CACNA1C: variants seen among roughly 807,000 people sequenced by gnomAD.
The protein encoded by CACNA1C is calcium voltage-gated channel subunit alpha1 C.
In CACNA1C, 30 loss-of-function variants were observed where a neutral mutation model predicts 229.0. The ratio of observed to expected loss-of-function variants is 0.13; its 90% CI spans 0.10 to 0.18. The LOEUF is 0.18. Among genes scored for constraint, CACNA1C ranks in the 10% least tolerant of loss-of-function variants. CACNA1C has a pLI of 1.00. For synonymous variants in CACNA1C, 1,114 were observed against 1,132.5 expected, an observed-to-expected ratio of 0.98 and a Z score of 0.33; for missense variants, 1,658 against 2,845.0, an observed-to-expected ratio of 0.58 and a Z score of 9.49.
Position 2,493,256 on chromosome 12 carries a change from A to G in CACNA1C, c.983A>G (p.Asn328Ser). The G allele has an allele frequency of 6.2e-7, 1 of 1,614,040 alleles. No individual in the cohort carries two copies. Among genetic ancestry groups the G allele is most frequent in the Non-Finnish European group, 8.5e-7 (1 of 1,179,886 alleles). The change falls in exon 7 of 47, where the codon AAC (asparagine) becomes AGC (serine). Residue 328 changes from asparagine (N) to serine (S), a missense_variant. Physicochemically the swap from Asn to Ser is conservative, Grantham distance 46. Coordinates refer to ENST00000399655, the MANE Select transcript of CACNA1C (RefSeq NM_000719.7). This position sits in a 1 kb window ranked among gnomAD's most constrained non-coding sequence, Gnocchi z 4.6. The stretch of plus-strand genomic sequence containing the variant: ...ACGGGCCACGGGCGGCAGTGCCAGA[A>G]CGGCACGGTGTGCAAGCCCGGCTGG... The part of the protein sequence containing the change: ...LETGHGRQCQ[N>S]GTVCKPGWDG...
intron 3 of CACNA1C, among the ~76,000 whole-genome samples, chr12:2,172,579 G>C (rs919833484): frequency 1.3e-5 from 2 of 152,184 alleles, no homozygotes; most frequent in Non-Finnish European, 2.9e-5. Context: ...AAGAAAGGAG[G>C]ACCCACGGAG....
chr12:2,140,167 A>G (rs1318535486), intron 3 of CACNA1C, among the ~76,000 whole-genome samples: 1 of 151,168 alleles, frequency 6.6e-6, no homozygotes, highest in Admixed American at 6.6e-5. Flanking sequence ...AACCTGTCCC[A>G]TAACCAGAGA....
At chr12:2,273,034 G>A (rs986050494) in intron 3 of CACNA1C, among the ~76,000 whole-genome samples, 12 of 152,172 alleles carry the variant, frequency 7.9e-5, no homozygotes, top group Non-Finnish European at 5.9e-5. Context: ...ATTTGCCCAG[G>A]TGACTTTTTT....
intron 10 of CACNA1C, among the ~76,000 whole-genome samples, chr12:2,551,454 C>T (rs2099902718): frequency 6.6e-6 from 1 of 152,198 alleles, no homozygotes; most frequent in African/African-American, 2.4e-5. Context: ...CACATTCGTA[C>T]TCTGTGCATA....
intron 1 of CACNA1C, among the ~76,000 whole-genome samples, chr12:2,085,073 C>A (rs1565584184): frequency 6.6e-6 from 1 of 152,164 alleles, no homozygotes; most frequent in African/African-American, 2.4e-5. Flanking sequence ...AAAGACAGAG[C>A]CTTGGGTCAC....
At position 2,319,472 on chromosome 12, in the gene CACNA1C, A is replaced by AGCCCCAG. The variant is rs1285727840; in HGVS notation, c.478-129491_478-129485dup. ...GGAAGAGACCTCGCTCCCACGCCAC[A>AGCCCCAG]GCCCCAGGCCCCAGGCCCCTGACAC... On this transcript the variant is annotated intron_variant, in intron 3 of 46. Coordinates refer to ENST00000399655, the MANE Select transcript of CACNA1C (RefSeq NM_000719.7). The surrounding 1 kb of genome is among the most constrained non-coding windows in gnomAD (Gnocchi z 4.0). Among the ~76,000 whole-genome samples the AGCCCCAG allele has an allele frequency of 6.6e-6, 1 of 152,128 alleles. No homozygotes were observed. Among genetic ancestry groups the AGCCCCAG allele is most frequent in the Non-Finnish European group, 1.5e-5 (1 of 67,996 alleles).
intron 9 of CACNA1C, among the ~76,000 whole-genome samples, chr12:2,522,254 G>C (rs2099811459): frequency 6.6e-6 from 1 of 152,188 alleles, no homozygotes; most frequent in African/African-American, 2.4e-5. Flanking sequence ...GAAAGCTCTT[G>C]GGAGGCAGCA....
intron 9 of CACNA1C, among the ~76,000 whole-genome samples, chr12:2,524,889 C>G (rs1288270649): frequency 6.6e-6 from 1 of 152,316 alleles, no homozygotes; most frequent in South Asian, 2.1e-4. Context: ...TGGGTGGGCA[C>G]AGGACAGTGT....
At chr12:2,687,538 C>CT (rs35920419) in intron 45 of CACNA1C, among the ~76,000 whole-genome samples, 9,265 of 138,180 alleles carry the variant, frequency 0.067, 948 homozygotes, top group African/African-American at 0.22. Context: ...TACCGTGTGA[C>CT]TTTTTTTTTT....
intron 5 of CACNA1C, among the ~76,000 whole-genome samples, chr12:2,474,126 T>C (rs2154568324): frequency 6.6e-6 from 1 of 152,356 alleles, no homozygotes; most frequent in East Asian, 1.9e-4. Context: ...ACATCTCATT[T>C]ACCACCAAAA....
At chr12:2,017,929 C>A (rs749061739) in intron 1 of CACNA1C, among the ~76,000 whole-genome samples, 1 of 152,172 alleles carries the variant, frequency 6.6e-6, no homozygotes, top group Non-Finnish European at 1.5e-5. Flanking sequence ...GCCTTCTACA[C>A]GGACTCAACA....
At chr12:2,684,337 C>T (rs2097333891) in intron 43 of CACNA1C, among the ~76,000 whole-genome samples, 1 of 152,150 alleles carries the variant, frequency 6.6e-6, no homozygotes. Context: ...AGGCCTTCTA[C>T]TTTTCTGACT....
At position 2,053,629 on chromosome 12, in the gene CACNA1C, C is replaced by T; in HGVS notation, c.49+18C>T. The T allele has an allele frequency of 1.9e-6, 3 of 1,577,614 alleles. No homozygotes were observed. In the South Asian group the frequency reaches 3.5e-5, roughly 18 times the overall value. ...CCACCAAGGTAAGGCTGGACCCCGC[C>T]GCCTCGCCGGGGCTCCCTGCCTTTT... On this transcript the variant is annotated intron_variant, in intron 1 of 46. Coordinates refer to ENST00000399655, the MANE Select transcript of CACNA1C (RefSeq NM_000719.7). This position sits in a 1 kb window ranked among gnomAD's most constrained non-coding sequence, Gnocchi z 5.8.
chr12:2,092,774 G>C (rs1204926643), intron 1 of CACNA1C, among the ~76,000 whole-genome samples: 1 of 152,230 alleles, frequency 6.6e-6, no homozygotes, highest in Non-Finnish European at 1.5e-5. Flanking sequence ...CGATAAGAAA[G>C]CTGGGGATCA....
chr12:2,069,460 A>G (rs1272141776), intron 1 of CACNA1C, among the ~76,000 whole-genome samples: 1 of 152,200 alleles, frequency 6.6e-6, no homozygotes, highest in Non-Finnish European at 1.5e-5. Flanking sequence ...TGTCAGAGAG[A>G]AAATAAGAAG....
chr12:2,260,475 T>TAA (rs549203538), intron 3 of CACNA1C, among the ~76,000 whole-genome samples: 122 of 100,982 alleles, frequency 1.2e-3, no homozygotes, highest in South Asian at 3.6e-3. Context: ...CTGTCTCTAT[T>TAA]AAAAAAAAAA....
At chr12:2,142,205 C>T (rs901953111) in intron 3 of CACNA1C, among the ~76,000 whole-genome samples, 1 of 151,278 alleles carries the variant, frequency 6.6e-6, no homozygotes, top group African/African-American at 2.4e-5. Context: ...GTGGATCATA[C>T]AGTCAGGCAC....
intron 31 of CACNA1C, among the ~76,000 whole-genome samples, chr12:2,650,823 C>A (rs1483697241): frequency 6.6e-6 from 1 of 152,160 alleles, no homozygotes; most frequent in Non-Finnish European, 1.5e-5. Flanking sequence ...CTGAGGGAGA[C>A]CATCTGCAGA....
intron 3 of CACNA1C, among the ~76,000 whole-genome samples, chr12:2,257,797 C>G (rs1018862937): frequency 6.6e-6 from 1 of 152,260 alleles, no homozygotes; most frequent in African/African-American, 2.4e-5. Flanking sequence ...TCTTTTCTAA[C>G]TGTTAGAACT....
Sources: allele counts gnomAD v4.1 joint callset (sites outside exome capture counted in the v4.1 genomes callset), GRCh38; gene constraint gnomAD v4.1.1; non-coding constraint Gnocchi (gnomAD v3.1); transcripts MANE v1.5; gene names NCBI Gene and HGNC (gene_info 2026-07-23, HGNC 2026-07-21).